DOP1B: variants seen among roughly 807,000 people sequenced by gnomAD.
The protein encoded by DOP1B is protein DOP1B.
DOP1B carries 174 observed loss-of-function variants against 233.5 expected under a neutral mutation model. The observed-to-expected ratio is 0.75, with a 90% CI of 0.66 to 0.85. The LOEUF (loss-of-function observed/expected upper bound fraction) is 0.85, where lower values mean the gene tolerates loss of function less well. DOP1B is among the 40% of genes least tolerant of loss of function. DOP1B has a pLI of 0.00. For synonymous variants in DOP1B, 1,190 were observed against 1,185.6 expected (o/e 1.00, Z -0.08); for missense variants, 2,652 against 2,846.6 (o/e 0.93, Z 1.56).
chr21:36,264,146 C>A (rs1206978198), intron 26 of DOP1B, among the ~76,000 whole-genome samples: 2 of 152,200 alleles, frequency 1.3e-5, no homozygotes, highest in Admixed American at 1.3e-4. Flanking sequence ...TCCCCCCAGA[C>A]GCGGTGGCGC....
chr21:36,245,194 G>A lies in DOP1B; in HGVS notation c.3214G>A (p.Glu1072Lys). 1 of 1,614,084 alleles carries A rather than the reference G, an allele frequency of 6.2e-7. No individual in the cohort carries two copies. Among genetic ancestry groups the A allele is most frequent in the Non-Finnish European group, 8.5e-7 (1 of 1,180,042 alleles). The change falls in exon 19 of 37, where the codon GAG becomes AAG. Residue 1072 changes from glutamate (E) to lysine (K), a missense_variant. Transcript: ENST00000691173. The surrounding 1 kb of genome is among the most constrained non-coding windows in gnomAD (Gnocchi z 5.5). ...VDREAIWAEV[E>K]KEPEKYPLRG... ...CCGTGAAGCCATTTGGGCCGAAGTGGAGAAGGAGCCCGAGAAGTACCCGCT... is the reference window on the plus strand; with the variant it reads ...CCGTGAAGCCATTTGGGCCGAAGTGAAGAAGGAGCCCGAGAAGTACCCGCT...
intron 10 of DOP1B, among the ~76,000 whole-genome samples, chr21:36,222,547 C>T (rs975099357): frequency 6.6e-6 from 1 of 151,072 alleles, no homozygotes; most frequent in African/African-American, 2.4e-5. Context: ...GATTGTACCA[C>T]TGCACTCCAG....
intron 10 of DOP1B, 60 bp from the exon 11 acceptor site, chr21:36,223,171 A>C (rs972795744): frequency 2.0e-6 from 3 of 1,520,072 alleles, no homozygotes; most frequent in Non-Finnish European, 2.6e-6. Context: ...TTTTTTGGAC[A>C]CTTTTTGTAA....
chr21:36,238,424 C>T (rs896819444), intron 16 of DOP1B, among the ~76,000 whole-genome samples, 177 bp from the exon 17 acceptor site: 1 of 152,180 alleles, frequency 6.6e-6, no homozygotes, highest in Non-Finnish European at 1.5e-5. Flanking sequence ...AGAGAGGATG[C>T]AGGTTCTCCT....
chr21:36,217,273 A>G (rs377538320), intron 9 of DOP1B, among the ~76,000 whole-genome samples: 2 of 152,196 alleles, frequency 1.3e-5, no homozygotes, highest in African/African-American at 4.8e-5. Context: ...ATGTTCCTGG[A>G]GTGTTTTTAC....
chr21:36,277,833 G>T lies in DOP1B; in HGVS notation c.5713-142G>T, dbSNP rs2067369520. The T allele has an allele frequency of 3.5e-5, 22 of 636,476 alleles. No homozygotes were observed. The South Asian group carries it at 4.1e-4, about 12-fold the overall frequency. The allele number at this position is 636,476 out of a possible 1,614,324, so 39.4% of individuals were successfully genotyped here. ...ATTTTTGTATTTTTAGTAGAGATGG[G>T]GTTTCACCATGTTGGCCAGACTGGT... On this transcript the variant is annotated intron_variant, in intron 28 of 36. Coordinates refer to ENST00000691173, the MANE Select transcript of DOP1B (RefSeq NM_001320714.2).
intron 36 of DOP1B, among the ~76,000 whole-genome samples, 165 bp from the exon 37 acceptor site, chr21:36,293,155 A>G (rs987261937): frequency 3.3e-5 from 5 of 150,064 alleles, no homozygotes; most frequent in African/African-American, 1.0e-4. Context: ...GCAGTGAGCC[A>G]AGATCACGCT....
In DOP1B at chr21:36,261,211, A is replaced by G. The variant is rs150427533; in HGVS notation, c.5315+479A>G. 21 of 865,054 alleles carry G rather than the reference A, an allele frequency of 2.4e-5. No individual in the cohort carries two copies. In the East Asian group the frequency reaches 2.3e-3, roughly 96 times the overall value. 53.6% of individuals were successfully genotyped at this position (865,054 alleles called of 1,614,324 possible). On this transcript the variant is annotated intron_variant, in intron 24 of 36. Coordinates refer to ENST00000691173, the MANE Select transcript of DOP1B (RefSeq NM_001320714.2). ...GAAACCCTATCTCTACTAAAAATACAAAAATTAGTCCGGCATGGTGGCGTG... is the reference window on the plus strand; with the variant it reads ...GAAACCCTATCTCTACTAAAAATACGAAAATTAGTCCGGCATGGTGGCGTG...
At chr21:36,284,837 G>A (rs2067464585) in intron 32 of DOP1B, among the ~76,000 whole-genome samples, 1 of 150,108 alleles carries the variant, frequency 6.7e-6, no homozygotes, top group African/African-American at 2.4e-5. Flanking sequence ...ATATTAATAT[G>A]TTATATAATT....
At chr21:36,284,524 C>T (rs947726845) in intron 32 of DOP1B, among the ~76,000 whole-genome samples, 2 of 152,096 alleles carry the variant, frequency 1.3e-5, no homozygotes, top group African/African-American at 4.8e-5. Flanking sequence ...CTGCCTCGGC[C>T]TCCCAAAGTG....
chr21:36,181,691 C>T (rs533658492), intron 2 of DOP1B, among the ~76,000 whole-genome samples: 190 of 152,318 alleles, frequency 1.2e-3, no homozygotes, highest in Non-Finnish European at 1.6e-3. Flanking sequence ...AGGTTTTAAC[C>T]AGCCAGGTCC....
intron 14 of DOP1B, 143 bp downstream of exon 14, chr21:36,231,277 C>G (rs1029895789): frequency 9.1e-7 from 1 of 1,093,032 alleles, no homozygotes; most frequent in Non-Finnish European, 1.3e-6. Context: ...GAATATTTGC[C>G]TTACACTTAC....
chr21:36,216,468 A>G (rs901305201), intron 9 of DOP1B, among the ~76,000 whole-genome samples: 2 of 151,762 alleles, frequency 1.3e-5, no homozygotes, highest in African/African-American at 2.4e-5. Context: ...AAAATTAGCC[A>G]GGCATGACAG....
Position 36,245,100 on chromosome 21 carries a change from C to A in DOP1B, c.3120C>A (p.Cys1040Ter). 6.2e-7 allele frequency: 1 copy of A among 1,612,286 alleles called. No homozygotes were observed. Among genetic ancestry groups the A allele is most frequent in the Non-Finnish European group, 8.5e-7 (1 of 1,178,640 alleles). ...NRKKTSFREA[C>*]AVPEPQESGS... ...AGAAAACCTCTTTCAGAGAGGCATG[C>A]GCAGTGCCCGAGCCTCAGGAGAGCG... The change falls in exon 19 of 37, where the codon TGC becomes TGA. Residue 1040 changes from cysteine (C) to a stop codon, truncating the protein, a stop_gained. Transcript: ENST00000691173. LOFTEE classifies it high-confidence loss of function. The surrounding 1 kb of genome is among the most constrained non-coding windows in gnomAD (Gnocchi z 5.5).
In DOP1B at chr21:36,248,564, C is replaced by G. The variant is rs770253013; in HGVS notation, c.4994C>G (p.Thr1665Ser). 6.2e-6 allele frequency: 10 copies of G among 1,604,148 alleles called. No homozygotes were observed. The African/African-American group carries it at 1.2e-4, about 19-fold the overall frequency. ...KGSSSVYFKT[T>S]KTIRQKILDF... Reference sequence around the variant, plus strand: ...TCCTCTTCCGTTTACTTTAAAACCACCAAAGTAAGAGGATGTCTCTGTAGT... The same window carrying G: ...TCCTCTTCCGTTTACTTTAAAACCAGCAAAGTAAGAGGATGTCTCTGTAGT... The change falls in exon 21 of 37, where the codon ACC becomes AGC. Residue 1665 changes from threonine (T) to serine (S), a missense_variant. Thr to Ser is a moderately conservative substitution (Grantham distance 58). Around this residue, in one of 3 missense-constraint regions of DOP1B, gnomAD observed 2,617 missense variants for 2,794.3 expected, o/e 0.94. Coordinates refer to ENST00000691173, the MANE Select transcript of DOP1B (RefSeq NM_001320714.2).
intron 2 of DOP1B, among the ~76,000 whole-genome samples, chr21:36,184,976 G>A (rs1294459431): frequency 6.6e-6 from 1 of 152,168 alleles, no homozygotes; most frequent in African/African-American, 2.4e-5. Context: ...AGAATATTGA[G>A]TTCTACCAGT....
intron 1 of DOP1B, among the ~76,000 whole-genome samples, chr21:36,157,989 A>G (rs2065835038): frequency 6.6e-6 from 1 of 151,860 alleles, no homozygotes; most frequent in African/African-American, 2.4e-5. Flanking sequence ...TTTGAGACGA[A>G]GGTCTCATTA....
intron 32 of DOP1B, among the ~76,000 whole-genome samples, chr21:36,286,792 A>G (rs60887222): frequency 0.46 from 69,755 of 151,620 alleles, 16,459 homozygotes; most frequent in African/African-American, 0.56. Context: ...GCTAAACCCT[A>G]TCTCTACTAA....
intron 9 of DOP1B, among the ~76,000 whole-genome samples, chr21:36,215,831 G>A (rs1271485402): frequency 9.3e-4 from 113 of 121,492 alleles, no homozygotes; most frequent in Middle Eastern, 7.4e-3. Context: ...TGGCCAAGAT[G>A]GTGAAACCCC....
Sources: allele counts gnomAD v4.1 joint callset (sites outside exome capture counted in the v4.1 genomes callset), GRCh38; gene constraint gnomAD v4.1.1; regional missense constraint gnomAD v4.1.1; non-coding constraint Gnocchi (gnomAD v3.1); transcripts MANE v1.5; gene names NCBI Gene and HGNC (gene_info 2026-07-23, HGNC 2026-07-21).